TBC1D9: variants seen among roughly 807,000 people sequenced by gnomAD.
TBC1D9 encodes the protein TBC1 domain family member 9.
Under a neutral mutation model 132.0 loss-of-function variants are expected in TBC1D9, and 63 were observed. That is an observed-to-expected ratio of 0.48 (90% CI 0.39 to 0.59). The LOEUF (loss-of-function observed/expected upper bound fraction) is 0.59, where lower values mean the gene tolerates loss of function less well. TBC1D9 is among the 20% of genes least tolerant of loss of function. TBC1D9 has a pLI of 0.00. For missense variants in TBC1D9, 1,261 were observed against 1,592.7 expected (o/e 0.79, Z 3.54); for synonymous variants, 610 against 609.9 (o/e 1.00, Z 0.00).
chr4:140,641,109 A>AAAAAC (rs1736985478), intron 13 of TBC1D9, among the ~76,000 whole-genome samples: 1 of 149,136 alleles, frequency 6.7e-6, no homozygotes, highest in Non-Finnish European at 1.5e-5. Flanking sequence ...AAAAAACAAA[A>AAAAAC]AAAAACAGAA....
Position 140,669,011 on chromosome 4 carries a change from T to C in TBC1D9, c.1494A>G (p.Gln498=). Residue 498 remains glutamine (Q), a synonymous_variant, in exon 9 of 21, where the codon CAA becomes CAG. Transcript: ENST00000442267. Reference sequence around the variant, plus strand: ...TCTCTGTGCGGTACATGCAGATCCCTTGCCCATACTCAGCAAAGTGAATCT... The same window carrying C: ...TCTCTGTGCGGTACATGCAGATCCCCTGCCCATACTCAGCAAAGTGAATCT... ...AWKIHFAEYG[Q]GICMYRTEKT... The C allele has an allele frequency of 6.2e-7, 1 of 1,614,000 alleles. No individual in the cohort carries two copies. Among genetic ancestry groups the C allele is most frequent in the Non-Finnish European group, 8.5e-7 (1 of 1,179,888 alleles).
At chr4:140,635,819 T>G (rs752613395) in intron 15 of TBC1D9, among the ~76,000 whole-genome samples, 4 of 152,124 alleles carry the variant, frequency 2.6e-5, no homozygotes, top group Non-Finnish European at 5.9e-5. Flanking sequence ...GGGACTGCAT[T>G]CCTGGCTGCA....
At chr4:140,651,411 C>T (rs150648479) in intron 13 of TBC1D9, among the ~76,000 whole-genome samples, 217 of 152,208 alleles carry the variant, frequency 1.4e-3, no homozygotes, top group African/African-American at 5.0e-3. Context: ...TGGAGTGAGC[C>T]GAGATGGCAC....
intron 13 of TBC1D9, among the ~76,000 whole-genome samples, chr4:140,650,699 A>AT: frequency 1.3e-5 from 2 of 151,352 alleles, no homozygotes; most frequent in Non-Finnish European, 3.0e-5. Flanking sequence ...TGCCTGGCTG[A>AT]TTTTTTTGTC....
intron 1 of TBC1D9, among the ~76,000 whole-genome samples, chr4:140,727,395 C>G (rs1738518167): frequency 6.6e-6 from 1 of 152,200 alleles, no homozygotes; most frequent in African/African-American, 2.4e-5. Flanking sequence ...TGGGGCAGGC[C>G]AGGCCCCATT....
At chr4:140,627,645 G>C in intron 17 of TBC1D9, 118 bp from the exon 18 acceptor site, 1 of 692,492 alleles carries the variant, frequency 1.4e-6, no homozygotes, top group Non-Finnish European at 2.5e-6. Context: ...TACAAAGGTG[G>C]GATGGGGCCT....
intron 1 of TBC1D9, among the ~76,000 whole-genome samples, chr4:140,735,813 C>T (rs1006013088): frequency 6.6e-6 from 1 of 152,194 alleles, no homozygotes; most frequent in African/African-American, 2.4e-5. Flanking sequence ...TCCAATTGAG[C>T]ACAGTCCCTG....
chr4:140,754,614 C>CAA (rs34471976), intron 1 of TBC1D9, among the ~76,000 whole-genome samples: 326 of 23,250 alleles, frequency 0.014, 67 homozygotes, highest in African/African-American at 0.031. Flanking sequence ...GACTCTGTCT[C>CAA]AAAAAAAAAA....
chr4:140,641,152 T>C (rs1412208842), intron 13 of TBC1D9, among the ~76,000 whole-genome samples: 1 of 148,776 alleles, frequency 6.7e-6, no homozygotes, highest in Non-Finnish European at 1.5e-5. Context: ...ATTCCATTTG[T>C]ATCAAGTTCA....
intron 1 of TBC1D9, among the ~76,000 whole-genome samples, chr4:140,705,132 A>G (rs988313259): frequency 3.9e-5 from 6 of 152,194 alleles, no homozygotes; most frequent in Non-Finnish European, 8.8e-5. Flanking sequence ...CAGTCAAATC[A>G]AGAAACAGAC....
intron 1 of TBC1D9, among the ~76,000 whole-genome samples, chr4:140,739,774 G>A (rs575956889): frequency 8.5e-5 from 13 of 152,334 alleles, no homozygotes; most frequent in Non-Finnish European, 1.5e-4. Flanking sequence ...AAGCTGAAGT[G>A]GGAGGATCGC....
Position 140,669,020 on chromosome 4 carries a change from C to G in TBC1D9, c.1485G>C (p.Glu495Asp). 6.2e-7 allele frequency: 1 copy of G among 1,614,038 alleles called. No homozygotes were observed. Among genetic ancestry groups the G allele is most frequent in the Non-Finnish European group, 8.5e-7 (1 of 1,179,904 alleles). ...GGTACATGCAGATCCCTTGCCCATA[C>G]TCAGCAAAGTGAATCTTCCAGGCTT... The part of the protein sequence containing the change: ...KEQAWKIHFA[E>D]YGQGICMYRT... The change falls in exon 9 of 21, where the codon GAG becomes GAC. Residue 495 changes from glutamate (E) to aspartate (D), a missense_variant. Physicochemically the swap from Glu to Asp is conservative, Grantham distance 45. Transcript: ENST00000442267.
chr4:140,668,372 G>A (rs1158899171), intron 9 of TBC1D9, among the ~76,000 whole-genome samples: 2 of 152,162 alleles, frequency 1.3e-5, no homozygotes, highest in Non-Finnish European at 2.9e-5. Flanking sequence ...TGAAGTACAA[G>A]GTATGATCTG....
intron 1 of TBC1D9, among the ~76,000 whole-genome samples, chr4:140,735,948 ATACAACCTAACC>A (rs1738667211): frequency 6.6e-6 from 1 of 152,174 alleles, no homozygotes; most frequent in Non-Finnish European, 1.5e-5. Flanking sequence ...TCTAGCAAGG[ATACAACCTAACC>A]TACTTATGTT....
intron 1 of TBC1D9, among the ~76,000 whole-genome samples, chr4:140,746,740 C>T (rs949131261): frequency 3.9e-5 from 6 of 152,142 alleles, no homozygotes; most frequent in Non-Finnish European, 7.4e-5. Context: ...TACCATGAAA[C>T]GGTATGGGGG....
chr4:140,676,785 A>T, intron 6 of TBC1D9, 109 bp downstream of exon 6: 1 of 1,430,904 alleles, frequency 7.0e-7, no homozygotes, highest in Non-Finnish European at 9.3e-7. Flanking sequence ...AGACGCATGA[A>T]CATTCACCTG....
At chr4:140,735,198 C>A (rs1385126895) in intron 1 of TBC1D9, among the ~76,000 whole-genome samples, 1 of 152,160 alleles carries the variant, frequency 6.6e-6, no homozygotes, top group Non-Finnish European at 1.5e-5. Context: ...AGATGATTAA[C>A]CCTAAAGAAA....
At chr4:140,733,051 T>G (rs972984534) in intron 1 of TBC1D9, among the ~76,000 whole-genome samples, 1 of 152,170 alleles carries the variant, frequency 6.6e-6, no homozygotes, top group Non-Finnish European at 1.5e-5. Context: ...ATTTATCACC[T>G]TGTACTCTTA....
At chr4:140,726,570 T>C (rs746666342) in intron 1 of TBC1D9, among the ~76,000 whole-genome samples, 3 of 152,162 alleles carry the variant, frequency 2.0e-5, no homozygotes, top group Non-Finnish European at 4.4e-5. Context: ...AAACCAAGTA[T>C]AAACTTCTTA....
Sources: gnomAD v4.1 joint callset for allele counts (sites outside exome capture counted in the v4.1 genomes callset) on GRCh38, gnomAD v4.1.1 for gene constraint, MANE v1.5 for transcripts, NCBI Gene and HGNC (gene_info 2026-07-23, HGNC 2026-07-21) for gene names.